NBPF8: variants seen among roughly 807,000 people sequenced by gnomAD.
The protein encoded by NBPF8 is NBPF member 8, also known as NBPF family member NBPF8.
chr1:120,426,856 C>G (rs1321198014), intron 2 of NBPF8, among the ~76,000 whole-genome samples: 3 of 150,672 alleles, frequency 2.0e-5, no homozygotes, highest in African/African-American at 4.9e-5. Context: ...AATGAGGGAA[C>G]ATGGAGGGGA....
intron 11 of NBPF8, among the ~76,000 whole-genome samples, chr1:120,450,111 C>A (rs1449705703): frequency 2.6e-5 from 4 of 152,046 alleles, no homozygotes; most frequent in South Asian, 2.1e-4. Context: ...ACTGTAATCA[C>A]CCCTGCTCAG....
upstream of NBPF8, chr1:120,436,308 G>C: frequency 6.7e-7 from 1 of 1,483,872 alleles, no homozygotes. Flanking sequence ...TTTCAGCTCT[G>C]AGTTGAGGCA....
At chr1:120,460,056 T>C (rs1661534465) in intron 17 of NBPF8, among the ~76,000 whole-genome samples, 1 of 152,172 alleles carries the variant, frequency 6.6e-6, no homozygotes, top group African/African-American at 2.4e-5. Context: ...CTGTCCGTCA[T>C]GTTCCTGGTA....
chr1:120,468,683 T>C (rs1367049367), downstream of NBPF8, among the ~76,000 whole-genome samples: 4 of 147,520 alleles, frequency 2.7e-5, no homozygotes, highest in South Asian at 2.2e-4. Flanking sequence ...GCACCTCTGG[T>C]CCTCTGCACG....
chr1:120,451,859 A>G (rs1661284031), intron 12 of NBPF8, among the ~76,000 whole-genome samples: 1 of 151,310 alleles, frequency 6.6e-6, no homozygotes, highest in Non-Finnish European at 1.5e-5. Flanking sequence ...GGAATTAGGA[A>G]GACACCTACT....
chr1:120,415,589 C>T (rs1660411619), upstream of NBPF8, among the ~76,000 whole-genome samples: 1 of 152,116 alleles, frequency 6.6e-6, no homozygotes, highest in Non-Finnish European at 1.5e-5. Flanking sequence ...CTGTGGAGGA[C>T]CCTGACCCCG....
chr1:120,464,747 C>G (rs1412223687), intron 23 of NBPF8, among the ~76,000 whole-genome samples, 199 bp downstream of exon 21: 1 of 145,544 alleles, frequency 6.9e-6, no homozygotes, highest in Non-Finnish European at 1.5e-5. Context: ...AGACTCTCTT[C>G]CTAGTCTCAG....
chr1:120,449,727 G>A (rs1661206380), intron 11 of NBPF8, among the ~76,000 whole-genome samples: 1 of 152,146 alleles, frequency 6.6e-6, no homozygotes, highest in Non-Finnish European at 1.5e-5. Context: ...AGATCCTGCA[G>A]ACAAATAACA....
chr1:120,460,958 C>T (rs1383914333), intron 18 of NBPF8, among the ~76,000 whole-genome samples: 2 of 151,230 alleles, frequency 1.3e-5, no homozygotes, highest in African/African-American at 4.9e-5. Flanking sequence ...AGCACAAATA[C>T]AGAGTGTCCT....
chr1:120,431,156 G>A (rs1411832820), intron 3 of NBPF8, among the ~76,000 whole-genome samples: 1 of 147,410 alleles, frequency 6.8e-6, no homozygotes, highest in Non-Finnish European at 1.5e-5. Context: ...ATATATATCA[G>A]TGGAAGAGAA....
downstream of NBPF8, among the ~76,000 whole-genome samples, chr1:120,468,341 A>ACTC (rs1317716688): frequency 1.3e-5 from 2 of 151,656 alleles, no homozygotes; most frequent in Non-Finnish European, 2.9e-5. Context: ...GCTGAGTGGT[A>ACTC]CTCATCCTTA....
intron 3 of NBPF8, among the ~76,000 whole-genome samples, chr1:120,428,156 C>T (rs1660772939): frequency 6.6e-6 from 1 of 151,812 alleles, no homozygotes; most frequent in African/African-American, 2.4e-5. Context: ...TTGTCTGTCC[C>T]CTCCCTTTAT....
upstream of NBPF8, chr1:120,433,346 A>G (rs1267449362): frequency 1.3e-5 from 2 of 152,704 alleles, no homozygotes; most frequent in Non-Finnish European, 2.9e-5. Flanking sequence ...GTATTCATAA[A>G]TACATCAAAG....
intron 15 of NBPF8, among the ~76,000 whole-genome samples, chr1:120,454,563 A>T (rs1205141244): frequency 6.6e-6 from 1 of 152,124 alleles, no homozygotes. Context: ...CAGCTTGCTT[A>T]GCTGCACAGT....
At chr1:120,431,223 A>G (rs1164274749) in intron 3 of NBPF8, among the ~76,000 whole-genome samples, 2 of 137,852 alleles carry the variant, frequency 1.5e-5, no homozygotes, top group Non-Finnish European at 3.1e-5. Context: ...TAGGACATAT[A>G]TATATGTATA....
chr1:120,465,930 G>T (rs1243158690), intron 24 of NBPF8, 48 bp from the exon 23 acceptor site: 1 of 1,611,756 alleles, frequency 6.2e-7, no homozygotes, highest in East Asian at 2.2e-5. Flanking sequence ...GGGCTCTGTG[G>T]TGTCTGATTT....
At chr1:120,460,060 C>T (rs1303080324) in intron 17 of NBPF8, among the ~76,000 whole-genome samples, 7 of 152,094 alleles carry the variant, frequency 4.6e-5, no homozygotes, top group Non-Finnish European at 5.9e-5. Context: ...CCGTCATGTT[C>T]CTGGTATGTT....
At chr1:120,456,087 G>A (rs1379348027) in intron 16 of NBPF8, among the ~76,000 whole-genome samples, 6 of 151,986 alleles carry the variant, frequency 3.9e-5, no homozygotes, top group African/African-American at 1.5e-4. Flanking sequence ...TTTTGAGTGA[G>A]TTTCTTAATC....
intron 3 of NBPF8, among the ~76,000 whole-genome samples, chr1:120,430,961 C>T (rs1205702431): frequency 5.3e-5 from 8 of 151,098 alleles, no homozygotes; most frequent in African/African-American, 1.9e-4. Context: ...ATAAAAATTC[C>T]AACCGGCATT....
Sources: gnomAD v4.1 joint callset for allele counts (sites outside exome capture counted in the v4.1 genomes callset) on GRCh38, gnomAD v4.1.1 for gene constraint, MANE v1.5 for transcripts, NCBI Gene and HGNC (gene_info 2026-07-23, HGNC 2026-07-21) for gene names.